PAM: variants seen among roughly 807,000 people sequenced by gnomAD.
The protein encoded by PAM is peptidylglycine alpha-amidating monooxygenase.
PAM carries 72 observed loss-of-function variants against 122.1 expected under a neutral mutation model. The ratio of observed to expected loss-of-function variants is 0.59; its 90% CI spans 0.49 to 0.72. PAM has a LOEUF of 0.72. PAM is among the 30% of genes least tolerant of loss of function. The pLI is 0.00. For missense variants in PAM, 1,106 were observed against 1,183.7 expected, an observed-to-expected ratio of 0.93 and a Z score of 0.96; for synonymous variants, 389 against 404.4, an observed-to-expected ratio of 0.96 and a Z score of 0.46.
At chr5:102,801,802 G>A (rs1393850112) in intron 1 of PAM, among the ~76,000 whole-genome samples, 6 of 119,090 alleles carry the variant, frequency 5.0e-5, no homozygotes, top group Admixed American at 9.2e-5. Flanking sequence ...TTTTTGAGAC[G>A]GAGTCTCGCT....
At chr5:102,770,510 T>C (rs955935501) in intron 1 of PAM, among the ~76,000 whole-genome samples, 2 of 152,144 alleles carry the variant, frequency 1.3e-5, no homozygotes, top group Non-Finnish European at 2.9e-5. Context: ...CTGTCACATA[T>C]GGCTTTTATT....
chr5:102,756,603 T>G lies in PAM; in HGVS notation c.-374+1255T>G, dbSNP rs182890727. The stretch of plus-strand genomic sequence containing the variant: ...GACATATTGTTTGTAAATTTTCAGT[T>G]TATAATCACAGGCACAAAAAAGCAT... On this transcript the variant is annotated intron_variant, in intron 1 of 25. Transcript: ENST00000438793. 2.3e-3 allele frequency among the ~76,000 whole-genome samples: 347 copies of G among 152,328 alleles called. 3 individuals carry two copies. The highest frequency in any genetic ancestry group is 8.2e-3 in the African/African-American group (339 of 41,568).
intron 1 of PAM, among the ~76,000 whole-genome samples, chr5:102,765,768 C>T (rs1041391065): frequency 1.2e-4 from 19 of 152,262 alleles, no homozygotes; most frequent in Middle Eastern, 3.4e-3. Context: ...TACATGGTTC[C>T]TTGTGTCTTC....
intron 7 of PAM, among the ~76,000 whole-genome samples, chr5:102,932,971 T>C (rs1331613249): frequency 6.6e-6 from 1 of 152,208 alleles, no homozygotes; most frequent in Non-Finnish European, 1.5e-5. Flanking sequence ...TGCAACTCAT[T>C]TTAATTCACA....
At chr5:102,961,889 T>C (rs1256446426) in intron 14 of PAM, among the ~76,000 whole-genome samples, 2 of 151,978 alleles carry the variant, frequency 1.3e-5, no homozygotes, top group African/African-American at 4.8e-5. Flanking sequence ...TGGAAGGTAG[T>C]GCTTTGGGTT....
chr5:102,982,166 C>G (rs969550349), intron 15 of PAM, among the ~76,000 whole-genome samples: 1 of 152,054 alleles, frequency 6.6e-6, no homozygotes, highest in African/African-American at 2.4e-5. Context: ...GTGCACTCCT[C>G]CCAGGGGTCT....
chr5:102,766,533 C>G lies in PAM; in HGVS notation c.-374+11185C>G, dbSNP rs898004267. ...GGAGTGGCTGTAAATACAGATGAAGCTTGGCTTGCTTGCCCACTGCTCACC... is the reference window on the plus strand; with the variant it reads ...GGAGTGGCTGTAAATACAGATGAAGGTTGGCTTGCTTGCCCACTGCTCACC... On this transcript the variant is annotated intron_variant, in intron 1 of 25. Coordinates refer to ENST00000438793, the MANE Select transcript of PAM (RefSeq NM_001177306.2). 5.9e-5 allele frequency among the ~76,000 whole-genome samples: 9 copies of G among 152,188 alleles called. No individual in the cohort carries two copies. In the East Asian group the frequency reaches 1.7e-3, roughly 29 times the overall value.
chr5:102,862,169 C>CAAAAA (rs57758540), intron 1 of PAM, among the ~76,000 whole-genome samples: 1 of 70,296 alleles, frequency 1.4e-5, no homozygotes, highest in Non-Finnish European at 3.5e-5. Context: ...GACCCTGTCT[C>CAAAAA]AAAAAAAAAA....
At chr5:102,871,702 A>T (rs946219947) in intron 3 of PAM, among the ~76,000 whole-genome samples, 136 of 146,962 alleles carry the variant, frequency 9.3e-4, no homozygotes, top group Non-Finnish European at 1.8e-3. Flanking sequence ...ATATATATAA[A>T]ATATATATAT....
At chr5:102,836,844 G>A (rs1486780520) in intron 1 of PAM, among the ~76,000 whole-genome samples, 1 of 144,412 alleles carries the variant, frequency 6.9e-6, no homozygotes, top group Non-Finnish European at 1.5e-5. Flanking sequence ...ATTATGGATG[G>A]ACCAAGAAAG....
At chr5:103,010,346 A>G (rs1373573102) in intron 21 of PAM, among the ~76,000 whole-genome samples, 1 of 152,218 alleles carries the variant, frequency 6.6e-6, no homozygotes, top group Non-Finnish European at 1.5e-5. Context: ...AATTTATTCA[A>G]GTTCTAAAGA....
In PAM at chr5:102,967,760, G is replaced by T. The variant is rs1167583837; in HGVS notation, c.1163-6356G>T. On this transcript the variant is annotated intron_variant, in intron 14 of 25. Transcript: ENST00000438793. ...AGATGGAGTCTTGCACTGTCGCCCA[G>T]GCTGGAGTGCAGTGGCACTATCTCA... Among the ~76,000 whole-genome samples, 3 of 140,488 alleles carry T rather than the reference G, an allele frequency of 2.1e-5. No individual in the cohort carries two copies. In the South Asian group the frequency reaches 6.6e-4, roughly 31 times the overall value. 92.2% of individuals were successfully genotyped at this position (140,488 alleles called of 152,430 possible). A position where few individuals can be genotyped will look rare whatever the true frequency, so the allele number is the denominator to read the frequency against.
intron 12 of PAM, among the ~76,000 whole-genome samples, chr5:102,951,586 A>C (rs1020617418): frequency 1.3e-5 from 2 of 152,106 alleles, no homozygotes; most frequent in African/African-American, 4.8e-5. Context: ...TAAGCATCTG[A>C]AAATATGCTT....
At chr5:102,842,935 C>T (rs1216246945) in intron 1 of PAM, among the ~76,000 whole-genome samples, 1 of 152,074 alleles carries the variant, frequency 6.6e-6, no homozygotes, top group Non-Finnish European at 1.5e-5. Flanking sequence ...CATTCTTATC[C>T]CACCATCAGG....
chr5:102,828,347 CAA>C (rs5870034), intron 1 of PAM, among the ~76,000 whole-genome samples: 50 of 145,486 alleles, frequency 3.4e-4, no homozygotes, highest in Middle Eastern at 3.5e-3. Flanking sequence ...GACTCTGTCT[CAA>C]AAAAAAAAAA....
chr5:102,856,618 G>A (rs574453490), intron 1 of PAM, among the ~76,000 whole-genome samples: 4 of 152,262 alleles, frequency 2.6e-5, no homozygotes, highest in African/African-American at 4.8e-5. Flanking sequence ...TATTTTCCCC[G>A]TGGAAGTATT....
intron 4 of PAM, among the ~76,000 whole-genome samples, chr5:102,903,548 A>G (rs930769865): frequency 2.0e-5 from 3 of 151,530 alleles, no homozygotes; most frequent in Non-Finnish European, 3.0e-5. Flanking sequence ...AGCTAAGACA[A>G]TAGTTTGTAT....
At chr5:102,946,027 C>T (rs1363837994) in intron 7 of PAM, among the ~76,000 whole-genome samples, 1 of 152,228 alleles carries the variant, frequency 6.6e-6, no homozygotes, top group South Asian at 2.1e-4. Context: ...GCAAAACTAG[C>T]TGAAGTTTCT....
intron 1 of PAM, among the ~76,000 whole-genome samples, chr5:102,813,421 A>C (rs1768580342): frequency 1.3e-5 from 2 of 152,226 alleles, no homozygotes; most frequent in Admixed American, 1.3e-4. Context: ...TCATGCAGCA[A>C]GTGAGCAATG....
Sources: allele counts gnomAD v4.1 joint callset (sites outside exome capture counted in the v4.1 genomes callset), GRCh38; gene constraint gnomAD v4.1.1; transcripts MANE v1.5; gene names NCBI Gene and HGNC (gene_info 2026-07-23, HGNC 2026-07-21).